Variants in MYRF observed in about 807,000 individuals in gnomAD.
MYRF encodes the protein myelin regulatory factor.
Under a neutral mutation model 126.3 loss-of-function variants are expected in MYRF, and 16 were observed. The observed-to-expected ratio is 0.13, with a 90% CI of 0.09 to 0.19. MYRF has a LOEUF of 0.19. Among genes scored for constraint, MYRF ranks in the 10% least tolerant of loss-of-function variants. The pLI, the probability that MYRF is intolerant of heterozygous loss-of-function variation, is 1.00. For synonymous variants in MYRF, 608 were observed against 635.3 expected (o/e 0.96, Z 0.65); for missense variants, 1,104 against 1,547.0 (o/e 0.71, Z 4.80).
chr11:61,752,977 G>A (rs1224982361), intron 1 of MYRF, among the ~76,000 whole-genome samples, 187 bp downstream of exon 1: 1 of 152,034 alleles, frequency 6.6e-6, no homozygotes, highest in African/African-American at 2.4e-5. Flanking sequence ...ACCCACCGCC[G>A]CTGAAGTTGG....
chr11:61,761,065 G>A (rs1264596418), intron 1 of MYRF, among the ~76,000 whole-genome samples: 1 of 152,166 alleles, frequency 6.6e-6, no homozygotes, highest in East Asian at 1.9e-4. Context: ...CAGCATCCTC[G>A]GGCCCCGGCC....
rs1355549385 is a variant in MYRF, at chr11:61,777,913, C to T, written c.1903+68C>T. ...AACCTCGGGCCTCAGTGACCTTGCC[C>T]CCTGTCACCTGGAAATCCTACTCCT... On this transcript the variant is annotated intron_variant, in intron 13 of 26. Coordinates refer to ENST00000278836, the MANE Select transcript of MYRF (RefSeq NM_001127392.3). The surrounding 1 kb of genome is among the most constrained non-coding windows in gnomAD (Gnocchi z 8.8). 3 of 1,257,112 alleles carry T rather than the reference C, an allele frequency of 2.4e-6. No individual in the cohort carries two copies. Among genetic ancestry groups the T allele is most frequent in the Non-Finnish European group, 3.4e-6 (3 of 887,702 alleles). 77.9% of individuals were successfully genotyped at this position (1,257,112 alleles called of 1,614,324 possible).
At chr11:61,758,821 C>T (rs1703440639) in intron 1 of MYRF, among the ~76,000 whole-genome samples, 1 of 152,226 alleles carries the variant, frequency 6.6e-6, no homozygotes, top group African/African-American at 2.4e-5. Flanking sequence ...ACTGCTGTAG[C>T]CCCAAAGCTG....
intron 1 of MYRF, among the ~76,000 whole-genome samples, chr11:61,762,834 G>A (rs879503184): frequency 6.6e-5 from 10 of 152,054 alleles, no homozygotes; most frequent in Non-Finnish European, 8.8e-5. Flanking sequence ...TCCCCGCAAC[G>A]CTGCCCCATC....
At position 61,783,259 on chromosome 11, in the gene MYRF, C is replaced by T. The variant is rs1156392563; in HGVS notation, c.3017-239C>T. 4 of 414,706 alleles carry T rather than the reference C, an allele frequency of 9.6e-6. No homozygotes were observed. The East Asian group carries it at 1.6e-4, about 17-fold the overall frequency. The allele number at this position is 414,706 out of a possible 1,614,324, so 25.7% of individuals were successfully genotyped here. A position where few individuals can be genotyped will look rare whatever the true frequency, so the allele number is the denominator to read the frequency against. Reference sequence around the variant, plus strand: ...TGGCAGGGGATGTGAAGACCCATCCCTACTTCTGGGTGTTCCAGTTCTTTT... The same window carrying T: ...TGGCAGGGGATGTGAAGACCCATCCTTACTTCTGGGTGTTCCAGTTCTTTT... On this transcript the variant is annotated intron_variant, in intron 22 of 26. Coordinates refer to ENST00000278836, the MANE Select transcript of MYRF (RefSeq NM_001127392.3). The surrounding 1 kb of genome is among the most constrained non-coding windows in gnomAD (Gnocchi z 4.6).
At position 61,783,754 on chromosome 11, in the gene MYRF, G is replaced by A. The variant is rs2135893414; in HGVS notation, c.3120-97G>A. 5.0e-6 allele frequency: 7 copies of A among 1,395,486 alleles called. No individual in the cohort carries two copies. Among genetic ancestry groups the A allele is most frequent in the South Asian group, 1.2e-5 (1 of 80,592 alleles). 86.4% of individuals were successfully genotyped at this position (1,395,486 alleles called of 1,614,324 possible). On this transcript the variant is annotated intron_variant, in intron 23 of 26. Transcript: ENST00000278836. The surrounding 1 kb of genome is among the most constrained non-coding windows in gnomAD (Gnocchi z 4.6). ...GCTACCCTTGGACACTGTCTCTTCT[G>A]GAGGGCTCCAGTACAGATTGGGGGC...
chr11:61,764,171 C>T (rs1306597395), intron 1 of MYRF, among the ~76,000 whole-genome samples: 1 of 152,116 alleles, frequency 6.6e-6, no homozygotes, highest in African/African-American at 2.4e-5. Flanking sequence ...GCAGGCAGCG[C>T]GTGACTCCTA....
At chr11:61,784,469 G>A (rs893213458) in intron 25 of MYRF, 84 bp downstream of exon 25, 2 of 1,103,554 alleles carry the variant, frequency 1.8e-6, no homozygotes, top group Admixed American at 2.0e-5. Flanking sequence ...TGGGCAAGGA[G>A]CAGAAGCTGG....
intron 3 of MYRF, chr11:61,766,944 G>C (rs1220551406): frequency 4.4e-6 from 2 of 451,160 alleles, no homozygotes; most frequent in Non-Finnish European, 9.0e-6. Flanking sequence ...TCTGTGTTCA[G>C]ACAGCCTGGC....
intron 1 of MYRF, among the ~76,000 whole-genome samples, chr11:61,758,267 A>T (rs1369079126): frequency 6.6e-6 from 1 of 152,174 alleles, no homozygotes; most frequent in African/African-American, 2.4e-5. Context: ...CGGAGTGCAC[A>T]ACCACAGCCT....
At chr11:61,785,700 A>T in intron 25 of MYRF, 100 bp from the exon 26 acceptor site, 1 of 949,896 alleles carries the variant, frequency 1.1e-6, no homozygotes, top group Admixed American at 2.1e-5. Context: ...TTCCTTCATA[A>T]AACTCCCCAC....
Position 61,783,355 on chromosome 11 carries a change from G to C in MYRF, c.3017-143G>C. ...TGCTGAGGAAAGGGTGTAGTGTGAT[G>C]CTGGCCATTGTGGAGGTCTGGAAAA... is the stretch of plus-strand genomic sequence containing the variant. On this transcript the variant is annotated intron_variant, in intron 22 of 26. Transcript: ENST00000278836. This position sits in a 1 kb window ranked among gnomAD's most constrained non-coding sequence, Gnocchi z 4.6. 1.5e-6 allele frequency: 1 copy of C among 687,488 alleles called. No homozygotes were observed. The allele number at this position is 687,488 out of a possible 1,614,324, so 42.6% of individuals were successfully genotyped here.
Position 61,766,090 on chromosome 11 carries a change from C to G in MYRF, c.267C>G (p.Pro89=). The part of the protein sequence containing the change: ...GGGPSPGRHG[P]LPPPGYGTPL... ...GACCCTCCCCGGGGCGCCATGGTCCCCTCCCACCCCCGGGCTACGGCACCC... is the reference window on the plus strand; with the variant it reads ...GACCCTCCCCGGGGCGCCATGGTCCGCTCCCACCCCCGGGCTACGGCACCC... Residue 89 remains proline (P), a synonymous_variant, in exon 3 of 27, where the codon CCC becomes CCG. Transcript: ENST00000278836. 6.2e-7 allele frequency: 1 copy of G among 1,606,804 alleles called. No homozygotes were observed. Among genetic ancestry groups the G allele is most frequent in the East Asian group, 2.2e-5 (1 of 44,870 alleles).
intron 3 of MYRF, chr11:61,766,481 C>T (rs1375267330): frequency 1.9e-5 from 9 of 465,908 alleles, no homozygotes; most frequent in African/African-American, 3.9e-5. Flanking sequence ...AGAAAAATCT[C>T]GATGCTGTGT....
At position 61,771,911 on chromosome 11, in the gene MYRF, G is replaced by A. The variant is rs751650134; in HGVS notation, c.1074G>A (p.Gln358=). 1.8e-5 allele frequency: 29 copies of A among 1,614,032 alleles called. No homozygotes were observed. In the East Asian group the frequency reaches 6.0e-4, roughly 33 times the overall value. ...CCATCAAGTGGCAGCCTCATCAGCA[G>A]AACAAGTGGGCGACCCTGTACGATG... The part of the protein sequence containing the change: ...YQSIKWQPHQ[Q]NKWATLYDAN... The change falls in exon 7 of 27, where the codon CAG becomes CAA. Residue 358 remains glutamine (Q), a synonymous_variant. Transcript: ENST00000278836.
In MYRF at chr11:61,786,267, C is replaced by T. The variant is rs376889849; in HGVS notation, c.*124C>T. ...AGCTCTGCTGTTCACTGGCCCTACCCGAGACTGGTGAAACTGGAAGTCTTC... is the reference window on the plus strand; with the variant it reads ...AGCTCTGCTGTTCACTGGCCCTACCTGAGACTGGTGAAACTGGAAGTCTTC... On this transcript the variant is annotated 3_prime_UTR_variant, in exon 27 of 27. Transcript: ENST00000278836. The surrounding 1 kb of genome is among the most constrained non-coding windows in gnomAD (Gnocchi z 4.5). The T allele has an allele frequency of 1.4e-5, 13 of 899,388 alleles. No homozygotes were observed. Among genetic ancestry groups the T allele is most frequent in the Admixed American group, 2.2e-5 (1 of 46,396 alleles). 55.7% of individuals were successfully genotyped at this position (899,388 alleles called of 1,614,324 possible). A position where few individuals can be genotyped will look rare whatever the true frequency, so the allele number is the denominator to read the frequency against.
chr11:61,760,260 C>T (rs147808685), intron 1 of MYRF, among the ~76,000 whole-genome samples: 177 of 152,272 alleles, frequency 1.2e-3, no homozygotes, highest in African/African-American at 4.1e-3. Flanking sequence ...AGCCACCGCG[C>T]CTGGCCATAG....
rs567120418 is a variant in MYRF at position 61,770,630 on chromosome 11, A to G, written c.740+105A>G. The G allele has an allele frequency of 1.4e-5, 16 of 1,151,682 alleles. 1 individual carries two copies. The South Asian group carries it at 2.1e-4, about 15-fold the overall frequency. The allele number at this position is 1,151,682 out of a possible 1,614,324, so 71.3% of individuals were successfully genotyped here. On this transcript the variant is annotated intron_variant, in intron 5 of 26. Transcript: ENST00000278836. ...GAGAGGGAGGTAGGGACCGGGATGCACCCAGGGAGGGCAGAAGGCTCTGCA... is the reference window on the plus strand; with the variant it reads ...GAGAGGGAGGTAGGGACCGGGATGCGCCCAGGGAGGGCAGAAGGCTCTGCA...
chr11:61,764,442 G>A lies in MYRF; in HGVS notation c.47-1183G>A, dbSNP rs569514637. Among the ~76,000 whole-genome samples the A allele has an allele frequency of 1.8e-4, 28 of 152,336 alleles. No individual in the cohort carries two copies. In the South Asian group the frequency reaches 4.6e-3, roughly 25 times the overall value. ...ATTGCACGAATGAGGAGACTGAGGCGCAGAGAGTGCATGTGACCTGCCCAA... is the reference window on the plus strand; with the variant it reads ...ATTGCACGAATGAGGAGACTGAGGCACAGAGAGTGCATGTGACCTGCCCAA... On this transcript the variant is annotated intron_variant, in intron 1 of 26. Transcript: ENST00000278836.
Sources: gnomAD v4.1 joint callset for allele counts (sites outside exome capture counted in the v4.1 genomes callset) on GRCh38, gnomAD v4.1.1 for gene constraint, Gnocchi (gnomAD v3.1) non-coding constraint, MANE v1.5 for transcripts, NCBI Gene and HGNC (gene_info 2026-07-23, HGNC 2026-07-21) for gene names.